HLCS: variants seen among roughly 807,000 people sequenced by gnomAD.
HLCS encodes the protein biotin--protein ligase.
HLCS carries 53 observed loss-of-function variants against 75.0 expected under a neutral mutation model. The observed-to-expected ratio is 0.71, with a 90% CI of 0.57 to 0.89. The LOEUF (loss-of-function observed/expected upper bound fraction) is 0.89. Among genes scored for constraint, HLCS ranks in the 40% least tolerant of loss-of-function variants. The probability of loss-of-function intolerance (pLI) is 0.00; values close to 1 mark genes in which losing one functional copy is unlikely to be tolerated. For missense variants in HLCS, 966 were observed against 1,074.0 expected (o/e 0.90, Z 1.41); for synonymous variants, 431 against 428.6 (o/e 1.01, Z -0.07).
At chr21:36,760,534 C>T (rs1032426461) in intron 8 of HLCS, among the ~76,000 whole-genome samples, 8 of 150,948 alleles carry the variant, frequency 5.3e-5, no homozygotes, top group Admixed American at 1.3e-4. Flanking sequence ...TGTGCGAACC[C>T]GGGAGGCGGA....
rs2065027609 is a variant in HLCS at position 36,896,797 on chromosome 21, T to C, written c.1892+63A>G. On this transcript the variant is annotated intron_variant, in intron 6 of 10. Coordinates refer to ENST00000674895, the MANE Select transcript of HLCS (RefSeq NM_001352514.2). ...ACTCTATCCCCTCCCCGTCTATTGG[T>C]AAGAGAGGATGATCAATGGAACAGG... The C allele has an allele frequency of 7.0e-6, 11 of 1,567,994 alleles. No individual in the cohort carries two copies. The South Asian group carries it at 1.1e-4, about 16-fold the overall frequency.
chr21:36,888,689 C>T (rs1043878026), intron 6 of HLCS, among the ~76,000 whole-genome samples: 4 of 151,306 alleles, frequency 2.6e-5, no homozygotes, highest in Non-Finnish European at 5.9e-5. Flanking sequence ...GGGCGCATCA[C>T]CAGGTCAAAG....
intron 2 of HLCS, among the ~76,000 whole-genome samples, chr21:36,939,772 G>A (rs1434251118): frequency 2.0e-5 from 3 of 152,144 alleles, no homozygotes; most frequent in Non-Finnish European, 2.9e-5. Context: ...GAAGAGCCCG[G>A]CGCTGCAGTC....
intron 6 of HLCS, among the ~76,000 whole-genome samples, chr21:36,777,859 T>G (rs2060408100): frequency 6.6e-6 from 1 of 152,246 alleles, no homozygotes; most frequent in South Asian, 2.1e-4. Context: ...CTAAATTGCC[T>G]TTGTAATTAA....
rs145235957 is a variant in HLCS at position 36,922,641 on chromosome 21, C to T, written c.1620+7610G>A. On this transcript the variant is annotated intron_variant, in intron 5 of 10. Coordinates refer to ENST00000674895, the MANE Select transcript of HLCS (RefSeq NM_001352514.2). Reference sequence around the variant, plus strand: ...CCTTGGCTGAGTCTTCCTGCTTTCACGAGGAAGCCCGCAAAATCCTCCTGG... The same window carrying T: ...CCTTGGCTGAGTCTTCCTGCTTTCATGAGGAAGCCCGCAAAATCCTCCTGG... Among the ~76,000 whole-genome samples, 117 of 152,304 alleles carry T rather than the reference C, an allele frequency of 7.7e-4. 1 individual carries two copies. The highest frequency in any genetic ancestry group is 2.8e-3 in the African/African-American group (116 of 41,562).
chr21:36,900,070 A>T (rs138610123), intron 5 of HLCS, among the ~76,000 whole-genome samples: 1 of 152,316 alleles, frequency 6.6e-6, no homozygotes, highest in African/African-American at 2.4e-5. Flanking sequence ...GCGCCACTGC[A>T]CTCCAGACTG....
chr21:36,940,240 C>G (rs909184614), intron 2 of HLCS, among the ~76,000 whole-genome samples: 9 of 152,158 alleles, frequency 5.9e-5, no homozygotes, highest in Non-Finnish European at 1.2e-4. Context: ...TTCTAAGATG[C>G]CATGAACGAT....
At chr21:36,965,228 G>C (rs1345386106) in intron 1 of HLCS, among the ~76,000 whole-genome samples, 1 of 152,156 alleles carries the variant, frequency 6.6e-6, no homozygotes, top group East Asian at 1.9e-4. Flanking sequence ...GGGGCTTTAC[G>C]GTGTGACATA....
intron 6 of HLCS, among the ~76,000 whole-genome samples, chr21:36,866,861 G>C (rs1176110340): frequency 7.1e-6 from 1 of 140,660 alleles, no homozygotes; most frequent in Non-Finnish European, 1.5e-5. Flanking sequence ...TTTTTTTAAA[G>C]GTTCTGCTCT....
At chr21:36,825,897 A>C (rs956507753) in intron 6 of HLCS, among the ~76,000 whole-genome samples, 1 of 152,226 alleles carries the variant, frequency 6.6e-6, no homozygotes, top group African/African-American at 2.4e-5. Context: ...CCAACACCTA[A>C]GAGGGCAGGG....
At chr21:36,944,929 T>C (rs1456197111) in intron 2 of HLCS, among the ~76,000 whole-genome samples, 1 of 152,124 alleles carries the variant, frequency 6.6e-6, no homozygotes, top group Non-Finnish European at 1.5e-5. Context: ...GAGACCATCC[T>C]AGTTAACGGT....
At chr21:36,888,476 ATATATATATATATATATATATT>A (rs1569149881) in intron 6 of HLCS, among the ~76,000 whole-genome samples, 24 of 93,198 alleles carry the variant, frequency 2.6e-4, no homozygotes, top group African/African-American at 8.4e-4. Flanking sequence ...ATATATATAT[ATATATATATATATATATATATT>A]TATTTATTTA....
intron 4 of HLCS, among the ~76,000 whole-genome samples, chr21:36,933,103 G>C (rs1164774202): frequency 6.6e-6 from 1 of 151,906 alleles, no homozygotes. Context: ...GGGTGACAGA[G>C]TGAGACTCCG....
chr21:36,759,868 A>G, intron 8 of HLCS, 27 bp from the exon 9 acceptor site: 4 of 1,447,204 alleles, frequency 2.8e-6, no homozygotes, highest in Middle Eastern at 3.5e-4. Context: ...ACATTAATTA[A>G]GCCGTCACAG....
chr21:36,892,501 C>T (rs1171312623), intron 6 of HLCS, among the ~76,000 whole-genome samples: 1 of 152,200 alleles, frequency 6.6e-6, no homozygotes, highest in African/African-American at 2.4e-5. Context: ...TCAACAGGTA[C>T]ATCCGGCCCT....
chr21:36,854,567 G>A (rs960908388), intron 6 of HLCS, among the ~76,000 whole-genome samples: 2 of 152,134 alleles, frequency 1.3e-5, no homozygotes, highest in Admixed American at 6.5e-5. Flanking sequence ...AGTTCAAGGT[G>A]GGGAAAAGCT....
chr21:36,780,721 C>T (rs924249047), intron 6 of HLCS, among the ~76,000 whole-genome samples: 3 of 152,110 alleles, frequency 2.0e-5, no homozygotes, highest in Admixed American at 2.0e-4. Context: ...AAGGTAAACA[C>T]ACTGGTAGCT....
At chr21:36,961,247 A>G (rs915626401) in intron 2 of HLCS, among the ~76,000 whole-genome samples, 5 of 152,232 alleles carry the variant, frequency 3.3e-5, no homozygotes, top group African/African-American at 1.2e-4. Context: ...CCAGCCACTC[A>G]GGTTGATTTA....
intron 1 of HLCS, among the ~76,000 whole-genome samples, chr21:36,984,160 G>C (rs1178213472): frequency 6.6e-6 from 1 of 151,940 alleles, no homozygotes; most frequent in East Asian, 1.9e-4. Context: ...TTTTAAATTG[G>C]AAAATTTTAA....
Sources: gnomAD v4.1 joint callset for allele counts (sites outside exome capture counted in the v4.1 genomes callset) on GRCh38, gnomAD v4.1.1 for gene constraint, MANE v1.5 for transcripts, NCBI Gene and HGNC (gene_info 2026-07-23, HGNC 2026-07-21) for gene names.